Variants in DPP10 observed in about 807,000 individuals in gnomAD.
DPP10 encodes inactive dipeptidyl peptidase 10.
In DPP10, 33 loss-of-function variants were observed where a neutral mutation model predicts 120.9. The ratio of observed to expected loss-of-function variants is 0.27; its 90% CI spans 0.21 to 0.37. DPP10 has a LOEUF of 0.37. Ranked by LOEUF, DPP10 falls within the 10% of genes least tolerant of loss-of-function variation. The pLI is 1.00. For missense variants in DPP10, 816 were observed against 942.8 expected, an observed-to-expected ratio of 0.87 and a Z score of 1.76; for synonymous variants, 337 against 326.1, an observed-to-expected ratio of 1.03 and a Z score of -0.36.
chr2:115,433,090 G>T (rs1359922284), intron 3 of DPP10, among the ~76,000 whole-genome samples: 1 of 152,014 alleles, frequency 6.6e-6, no homozygotes, highest in Non-Finnish European at 1.5e-5. Context: ...TCTCGTGCTT[G>T]AGAGCCCACA....
At chr2:115,431,725 C>T (rs1160165102) in intron 3 of DPP10, among the ~76,000 whole-genome samples, 2 of 152,068 alleles carry the variant, frequency 1.3e-5, no homozygotes, top group African/African-American at 2.4e-5. Flanking sequence ...ACCCAGCTTG[C>T]CCCGAATGCA....
At chr2:115,451,896 GTGTGTC>G (rs1236747940) in intron 3 of DPP10, among the ~76,000 whole-genome samples, 3 of 10,668 alleles carry the variant, frequency 2.8e-4, no homozygotes, top group Non-Finnish European at 0.018. Flanking sequence ...GTGTGTGTGT[GTGTGTC>G]TGTGTCTGTG....
intron 7 of DPP10, among the ~76,000 whole-genome samples, chr2:115,707,100 A>G (rs1281711446): frequency 6.6e-6 from 1 of 152,026 alleles, no homozygotes; most frequent in Non-Finnish European, 1.5e-5. Flanking sequence ...AAGCAAATAT[A>G]CACTTTAATA....
intron 4 of DPP10, among the ~76,000 whole-genome samples, chr2:115,512,598 T>G (rs1463172943): frequency 1.3e-5 from 2 of 152,150 alleles, no homozygotes; most frequent in Non-Finnish European, 2.9e-5. Flanking sequence ...GTTTTCATTT[T>G]CATTCTTCTC....
chr2:114,579,696 G>A (rs916650876), intron 1 of DPP10, among the ~76,000 whole-genome samples: 6 of 152,178 alleles, frequency 3.9e-5, no homozygotes, highest in Non-Finnish European at 7.3e-5. Context: ...AAATCTCGTC[G>A]GAGAGAAGGG....
intron 1 of DPP10, among the ~76,000 whole-genome samples, chr2:114,764,968 C>G (rs540117176): frequency 6.6e-6 from 1 of 152,154 alleles, no homozygotes; most frequent in South Asian, 2.1e-4. Context: ...ATTACATATG[C>G]CACTCTGTGT....
rs371394314 is a variant in DPP10, at chr2:115,173,096, T to C, written c.61-136143T>C. Among the ~76,000 whole-genome samples, 154 of 152,324 alleles carry C rather than the reference T, an allele frequency of 1.0e-3. 1 individual carries two copies. Among genetic ancestry groups the C allele is most frequent in the African/African-American group, 2.9e-3 (122 of 41,570 alleles). The stretch of plus-strand genomic sequence containing the variant: ...CATTTACTTTTCTGAATTTGTTTTT[T>C]TTCCCTTCCCCATCCCCATGGTTAA... On this transcript the variant is annotated intron_variant, in intron 1 of 25. Transcript: ENST00000410059.
intron 1 of DPP10, among the ~76,000 whole-genome samples, chr2:114,612,717 C>T (rs1230419445): frequency 2.0e-5 from 3 of 152,086 alleles, no homozygotes; most frequent in African/African-American, 7.2e-5. Flanking sequence ...TAGAAAAATC[C>T]TGAGTTAGAT....
At chr2:115,633,827 C>A (rs1026813944) in intron 5 of DPP10, among the ~76,000 whole-genome samples, 1 of 152,056 alleles carries the variant, frequency 6.6e-6, no homozygotes, top group Non-Finnish European at 1.5e-5. Context: ...GAATGTTCAC[C>A]TGTCTTGGTA....
chr2:114,900,850 CT>C (rs1435035549), intron 1 of DPP10, among the ~76,000 whole-genome samples: 4 of 152,062 alleles, frequency 2.6e-5, no homozygotes, highest in African/African-American at 9.7e-5. Flanking sequence ...TAAAATTTAG[CT>C]GTATGAGGTA....
At chr2:114,718,546 T>G (rs900616154) in intron 1 of DPP10, among the ~76,000 whole-genome samples, 10 of 152,188 alleles carry the variant, frequency 6.6e-5, no homozygotes, top group African/African-American at 2.2e-4. Context: ...TCTATGGTAC[T>G]CTTTTATGAC....
intron 3 of DPP10, among the ~76,000 whole-genome samples, chr2:115,434,719 A>G (rs2071324680): frequency 6.6e-6 from 1 of 151,614 alleles, no homozygotes; most frequent in South Asian, 2.1e-4. Context: ...CTTCTTTGAA[A>G]TATATTTTTA....
chr2:114,891,249 G>A (rs1354680498), intron 1 of DPP10, among the ~76,000 whole-genome samples: 1 of 152,058 alleles, frequency 6.6e-6, no homozygotes, highest in Non-Finnish European at 1.5e-5. Context: ...GCGTCAAGTG[G>A]GAGATATTCC....
intron 4 of DPP10, among the ~76,000 whole-genome samples, chr2:115,500,179 T>C (rs1428004281): frequency 6.6e-6 from 1 of 151,970 alleles, no homozygotes; most frequent in African/African-American, 2.4e-5. Context: ...TTCTGAAAAA[T>C]CTAGTACCCT....
At chr2:114,756,371 G>A (rs534804538) in intron 1 of DPP10, among the ~76,000 whole-genome samples, 101 of 152,288 alleles carry the variant, frequency 6.6e-4, no homozygotes, top group Middle Eastern at 3.4e-3. Context: ...TAGACCCCAG[G>A]GAATCATGGA....
intron 3 of DPP10, among the ~76,000 whole-genome samples, chr2:115,396,332 T>C (rs567368806): frequency 6.6e-6 from 1 of 152,312 alleles, no homozygotes; most frequent in Admixed American, 6.5e-5. Flanking sequence ...AATCCGTAAA[T>C]ACTGTCCGAG....
chr2:115,429,499 A>G (rs921844801), intron 3 of DPP10, among the ~76,000 whole-genome samples: 1 of 152,210 alleles, frequency 6.6e-6, no homozygotes, highest in Non-Finnish European at 1.5e-5. Context: ...CTGGCATGTA[A>G]GAAGAGCTCA....
chr2:114,751,148 C>T (rs1679181441), intron 1 of DPP10, among the ~76,000 whole-genome samples: 1 of 152,146 alleles, frequency 6.6e-6, no homozygotes, highest in Non-Finnish European at 1.5e-5. Flanking sequence ...GTTTAAATAA[C>T]GAATTTTAAT....
intron 5 of DPP10, among the ~76,000 whole-genome samples, chr2:115,669,597 G>C (rs1235710156): frequency 6.6e-6 from 1 of 151,706 alleles, no homozygotes; most frequent in Non-Finnish European, 1.5e-5. Flanking sequence ...CCATCATTTT[G>C]GTCACACTTA....
Sources: gnomAD v4.1 joint callset for allele counts (sites outside exome capture counted in the v4.1 genomes callset) on GRCh38, gnomAD v4.1.1 for gene constraint, MANE v1.5 for transcripts, NCBI Gene and HGNC (gene_info 2026-07-23, HGNC 2026-07-21) for gene names.